MOV10L1: variants seen among roughly 807,000 people sequenced by gnomAD.
MOV10L1 encodes RNA helicase Mov10l1.
MOV10L1 carries 110 observed loss-of-function variants against 143.8 expected under a neutral mutation model. The ratio of observed to expected loss-of-function variants is 0.76; its 90% confidence interval spans 0.66 to 0.90. MOV10L1 has a LOEUF of 0.90. Ranked by LOEUF, MOV10L1 falls within the 40% of genes least tolerant of loss-of-function variation. MOV10L1 has a pLI of 0.00. For synonymous variants in MOV10L1, 593 were observed against 581.1 expected (o/e 1.02, Z -0.29); for missense variants, 1,406 against 1,526.8 (o/e 0.92, Z 1.32).
intron 18 of MOV10L1, among the ~76,000 whole-genome samples, chr22:50,144,805 T>TCA (rs2063099963): frequency 2.6e-5 from 4 of 152,072 alleles, no homozygotes; most frequent in Admixed American, 6.5e-5. Flanking sequence ...ATGGTCTCGA[T>TCA]CTCCTGACCT....
chr22:50,100,647 A>T (rs1177227965), intron 3 of MOV10L1, among the ~76,000 whole-genome samples: 1 of 151,978 alleles, frequency 6.6e-6, no homozygotes, highest in Admixed American at 6.6e-5. Flanking sequence ...CTGAGACTAC[A>T]GGTGCCCACC....
intron 6 of MOV10L1, among the ~76,000 whole-genome samples, chr22:50,114,005 G>A (rs1290377389): frequency 7.2e-6 from 1 of 137,960 alleles, no homozygotes; most frequent in Non-Finnish European, 1.5e-5. Context: ...TGCAAGCTCC[G>A]CCTCCCGGGT....
Position 50,159,826 on chromosome 22 carries a change from C to A in MOV10L1, c.3324+41C>A. The A allele has an allele frequency of 7.3e-7, 1 of 1,372,584 alleles. No homozygotes were observed. Among genetic ancestry groups the A allele is most frequent in the Non-Finnish European group, 1.0e-6 (1 of 966,828 alleles). The allele number at this position is 1,372,584 out of a possible 1,614,324, so 85.0% of individuals were successfully genotyped here. On this transcript the variant is annotated intron_variant, in intron 24 of 26. Transcript: ENST00000262794. This position sits in a 1 kb window ranked among gnomAD's most constrained non-coding sequence, Gnocchi z 4.1. The stretch of plus-strand genomic sequence containing the variant: ...CTCCGTGGGGATGGACAGTCAGGTG[C>A]TTGCTGCCCTGGGGGTTCTGGGGGC...
rs768799349 is a variant in MOV10L1, at chr22:50,125,511, G to T, written c.1689G>T (p.Gly563=). ...NMSGIILRRN[G]DLLVLEVPGL... is the part of the protein sequence containing the mutation. ...GCGGGATCATCTTAAGAAGGAATGGGGATCTGCTGGTTCTGGAGGTCCCAG... is the reference window on the plus strand; with the variant it reads ...GCGGGATCATCTTAAGAAGGAATGGTGATCTGCTGGTTCTGGAGGTCCCAG... Residue 563 remains glycine, a synonymous_variant, in exon 11 of 27, where the codon GGG becomes GGT. Transcript: ENST00000262794. 3 of 1,614,188 alleles carry T rather than the reference G, an allele frequency of 1.9e-6. No homozygotes were observed. Among genetic ancestry groups the T allele is most frequent in the Non-Finnish European group, 2.5e-6 (3 of 1,180,028 alleles).
At chr22:50,112,275 C>A (rs2062045244) in intron 5 of MOV10L1, among the ~76,000 whole-genome samples, 1 of 152,214 alleles carries the variant, frequency 6.6e-6, no homozygotes, top group Non-Finnish European at 1.5e-5. Context: ...GCCTGGGACG[C>A]ACAGGAGCTC....
In MOV10L1 at chr22:50,152,304, G is replaced by A. The variant is rs887803418; in HGVS notation, c.2893-741G>A. The stretch of plus-strand genomic sequence containing the variant: ...TTGCATAGAGAGGACGGCTCCCCGC[G>A]GCACAGACGCAGCGAGTCCTCATGC... On this transcript the variant is annotated intron_variant, in intron 21 of 26. Transcript: ENST00000262794. This position sits in a 1 kb window ranked among gnomAD's most constrained non-coding sequence, Gnocchi z 4.4. Among the ~76,000 whole-genome samples the A allele has an allele frequency of 6.6e-6, 1 of 152,324 alleles. No homozygotes were observed. Among genetic ancestry groups the A allele is most frequent in the African/African-American group, 2.4e-5 (1 of 41,568 alleles).
intron 3 of MOV10L1, among the ~76,000 whole-genome samples, chr22:50,106,720 G>C: frequency 2.3e-5 from 1 of 43,214 alleles, no homozygotes. Flanking sequence ...TTTTTTTTTT[G>C]AGACGGAATC....
intron 17 of MOV10L1, 49 bp from the exon 18 acceptor site, chr22:50,144,048 C>T: frequency 1.3e-6 from 2 of 1,581,456 alleles, no homozygotes; most frequent in Non-Finnish European, 1.7e-6. Flanking sequence ...TGGTTTCCAC[C>T]TTGCGGTGTG....
At position 50,126,211 on chromosome 22, in the gene MOV10L1, T is replaced by C; in HGVS notation, c.1757T>C (p.Leu586Pro). 1 of 1,606,806 alleles carries C rather than the reference T, an allele frequency of 6.2e-7. No individual in the cohort carries two copies. Among genetic ancestry groups the C allele is most frequent in the Non-Finnish European group, 8.5e-7 (1 of 1,173,548 alleles). The change falls in exon 12 of 27, where the codon CTG becomes CCG. Residue 586 changes from leucine to proline, a missense_variant. Around this residue, in one of 3 missense-constraint regions of MOV10L1, gnomAD observed 1,233 missense variants for 1,351.4 expected, o/e 0.91. Transcript: ENST00000262794. ...GRPSLYAGDKLILKTQEYNGH... is the reference protein window; with the variant it reads ...GRPSLYAGDKPILKTQEYNGH... ...TATATTTTTTAACTAGGTGATAAACTGATTTTAAAAACTCAAGAGTACAAT... is the reference window on the plus strand; with the variant it reads ...TATATTTTTTAACTAGGTGATAAACCGATTTTAAAAACTCAAGAGTACAAT...
chr22:50,097,559 A>G (rs1169218584), intron 2 of MOV10L1, among the ~76,000 whole-genome samples: 2 of 152,100 alleles, frequency 1.3e-5, no homozygotes, highest in African/African-American at 4.8e-5. Flanking sequence ...AAATCAATTG[A>G]CTGCACATGC....
At chr22:50,099,739 G>A in intron 3 of MOV10L1, 137 bp downstream of exon 3, 1 of 1,025,762 alleles carries the variant, frequency 9.7e-7, no homozygotes, top group East Asian at 2.6e-5. Flanking sequence ...CTTGAGCCCA[G>A]GAGTTGGAGG....
At position 50,092,204 on chromosome 22, in the gene MOV10L1, T is replaced by G; in HGVS notation, c.282+19T>G. On this transcript the variant is annotated intron_variant, in intron 2 of 26. Transcript: ENST00000262794. ...AATCAGGGTAAGGTTTGAGTTCATT[T>G]GGGAACAGTTTTTCTTCGCCACGGG... 6.2e-7 allele frequency: 1 copy of G among 1,604,434 alleles called. No individual in the cohort carries two copies. Among genetic ancestry groups the G allele is most frequent in the Non-Finnish European group, 8.5e-7 (1 of 1,174,138 alleles).
intron 3 of MOV10L1, among the ~76,000 whole-genome samples, chr22:50,102,724 A>G (rs1380613195): frequency 2.0e-5 from 3 of 152,066 alleles, no homozygotes; most frequent in Non-Finnish European, 4.4e-5. Flanking sequence ...CAACATGGAG[A>G]AACCCCGTCT....
At chr22:50,142,978 G>C (rs2063034016) in intron 16 of MOV10L1, 65 bp from the exon 17 acceptor site, 1 of 1,503,904 alleles carries the variant, frequency 6.6e-7, no homozygotes, top group African/African-American at 1.4e-5. Context: ...ACCTAGGTGA[G>C]GACGTGTCCA....
intron 15 of MOV10L1, among the ~76,000 whole-genome samples, chr22:50,135,811 A>G (rs936626287): frequency 3.3e-5 from 5 of 151,092 alleles, no homozygotes; most frequent in Non-Finnish European, 7.4e-5. Flanking sequence ...TATAGTGCCT[A>G]TTACATGCCA....
Position 50,159,785 on chromosome 22 carries a change from C to T in MOV10L1, c.3324C>T (p.Thr1108=), listed in dbSNP as rs751269607. The T allele has an allele frequency of 3.4e-5, 55 of 1,600,026 alleles. No homozygotes were observed. The Middle Eastern group carries it at 8.3e-4, about 24-fold the overall frequency. The stretch of plus-strand genomic sequence containing the variant: ...AGTATCTGGTCATCATCATTTCGAC[C>T]GTAGGTATCCCTGTTCTCCGTGGGG... ...GQEYLVIIIS[T]VRSNEDRFED... Residue 1108 remains threonine (T), a splice_region_variant and synonymous_variant, in exon 24 of 27, where the codon ACC becomes ACT. Coordinates refer to ENST00000262794, the MANE Select transcript of MOV10L1 (RefSeq NM_018995.3). The surrounding 1 kb of genome is among the most constrained non-coding windows in gnomAD (Gnocchi z 4.1).
In MOV10L1 at chr22:50,144,065, G is replaced by C. The variant is rs540377992; in HGVS notation, c.2359-32G>C. 2.5e-6 allele frequency: 4 copies of C among 1,589,050 alleles called. No individual in the cohort carries two copies. The South Asian group carries it at 3.3e-5, about 13-fold the overall frequency. On this transcript the variant is annotated intron_variant, in intron 17 of 26. Transcript: ENST00000262794. ...GTTTCCACCTTGCGGTGTGGATGTT[G>C]AGCCTTGGTCTCTTGTGTGTCTTTG...
chr22:50,091,292 G>C (rs796630823), intron 1 of MOV10L1: 6 of 167,432 alleles, frequency 3.6e-5, no homozygotes, highest in African/African-American at 1.4e-4. Flanking sequence ...TCCTCCCGTG[G>C]CTGGGAAGCT....
chr22:50,103,743 G>T (rs1171912961), intron 3 of MOV10L1, among the ~76,000 whole-genome samples: 2 of 152,002 alleles, frequency 1.3e-5, no homozygotes, highest in Non-Finnish European at 2.9e-5. Flanking sequence ...CACCCAGCTG[G>T]GTCACACATC....
Sources: allele counts gnomAD v4.1 joint callset (sites outside exome capture counted in the v4.1 genomes callset), GRCh38; gene constraint gnomAD v4.1.1; regional missense constraint gnomAD v4.1.1; non-coding constraint Gnocchi (gnomAD v3.1); transcripts MANE v1.5; gene names NCBI Gene and HGNC (gene_info 2026-07-23, HGNC 2026-07-21).